COMMD3: variants seen among roughly 807,000 people sequenced by gnomAD.
The protein encoded by COMMD3 is COMM domain containing 3.
Under a neutral mutation model 31.2 loss-of-function variants are expected in COMMD3, and 31 were observed. That is an observed-to-expected ratio of 0.99 (90% CI 0.75 to 1.34). COMMD3 has a LOEUF of 1.34. Among genes scored for constraint, COMMD3 ranks in the 40% most tolerant of loss-of-function variants. The pLI is 0.00. For synonymous variants in COMMD3, 108 were observed against 87.3 expected (o/e 1.24, Z -1.32); for missense variants, 274 against 236.9 (o/e 1.16, Z -1.03).
intron 6 of COMMD3, 34 bp from the exon 7 acceptor site, chr10:22,318,925 C>T (rs1317893910): frequency 6.2e-6 from 10 of 1,611,182 alleles, no homozygotes; most frequent in Non-Finnish European, 8.5e-6. Context: ...AAATAAACAG[C>T]GTTTCTTGTT....
intron 7 of COMMD3, 54 bp from the exon 8 acceptor site, chr10:22,319,885 T>C (rs1246425731): frequency 4.4e-6 from 7 of 1,603,900 alleles, no homozygotes; most frequent in Admixed American, 1.7e-5. Flanking sequence ...TGAGCTTGGA[T>C]ACTTCTTTCC....
chr10:22,316,707 C>T, intron 1 of COMMD3, 151 bp downstream of exon 1: 3 of 1,306,686 alleles, frequency 2.3e-6, no homozygotes, highest in Non-Finnish European at 3.0e-6. Flanking sequence ...GGGGACGTGG[C>T]TCTGCCAGGA....
At position 22,318,153 on chromosome 10, in the gene COMMD3, T is replaced by C; in HGVS notation, c.300T>C (p.Phe100=). Residue 100 remains phenylalanine, a synonymous_variant, in exon 3 of 8, where the codon TTT becomes TTC. Coordinates refer to ENST00000376836, the MANE Select transcript of COMMD3 (RefSeq NM_012071.4). The part of the protein sequence containing the change: ...CKFDRERIEL[F]CTEYQNNKNS... ...TTGACAGAGAGCGAATAGAACTGTT[T>C]TGCACGGAATATCAGGTTACTTACT... The C allele has an allele frequency of 6.2e-7, 1 of 1,612,926 alleles. No individual in the cohort carries two copies. Among genetic ancestry groups the C allele is most frequent in the South Asian group, 1.1e-5 (1 of 90,794 alleles).
chr10:22,318,518 G>A (rs1835897255), intron 4 of COMMD3, 135 bp from the exon 5 acceptor site: 2 of 1,090,216 alleles, frequency 1.8e-6, no homozygotes, highest in South Asian at 1.5e-5. Context: ...TAAAAATAAA[G>A]TTTAACAATG....
intron 6 of COMMD3, 40 bp downstream of exon 6, chr10:22,318,902 A>G: frequency 6.2e-7 from 1 of 1,611,430 alleles, no homozygotes; most frequent in Non-Finnish European, 8.5e-7. Context: ...GAAATTTATA[A>G]TTTCATTGAT....
chr10:22,319,661 G>T (rs1835923773), intron 7 of COMMD3: 1 of 298,578 alleles, frequency 3.3e-6, no homozygotes, highest in East Asian at 7.8e-5. Context: ...CATAACCTTT[G>T]TTAGATAACT....
Position 22,319,995 on chromosome 10 carries a change from G to T in COMMD3, c.585G>T (p.Leu195Phe). 2 of 1,614,152 alleles carry T rather than the reference G, an allele frequency of 1.2e-6. No individual in the cohort carries two copies. Among genetic ancestry groups the T allele is most frequent in the Non-Finnish European group, 8.5e-7 (1 of 1,180,006 alleles). ...ASKSLERATQ[L>F] ...AAAGCCTGGAAAGAGCAACTCAGTT[G>T]TAACTTGGGGAAGTTAACGATCCGC... The change falls in exon 8 of 8, where the codon TTG becomes TTT. Residue 195 changes from leucine to phenylalanine, a missense_variant. By Grantham distance (22) the Leu-to-Phe change is conservative. Coordinates refer to ENST00000376836, the MANE Select transcript of COMMD3 (RefSeq NM_012071.4).
intron 1 of COMMD3, 110 bp from the exon 2 acceptor site, chr10:22,317,774 G>A: frequency 2.7e-6 from 3 of 1,105,956 alleles, no homozygotes; most frequent in Non-Finnish European, 3.9e-6. Context: ...TATAGTTGAT[G>A]TTTTTAATCT....
rs111934304 is a variant in COMMD3 at position 22,318,342 on chromosome 10, T to C, written c.350+36T>C. Reference sequence around the variant, plus strand: ...TATAAGGTGTCAAGCTGAGGCACTTTTCACTTGCAGGTATGAATGGAGAGT... The same window carrying C: ...TATAAGGTGTCAAGCTGAGGCACTTCTCACTTGCAGGTATGAATGGAGAGT... On this transcript the variant is annotated intron_variant, in intron 4 of 7. Coordinates refer to ENST00000376836, the MANE Select transcript of COMMD3 (RefSeq NM_012071.4). 790 of 1,578,428 alleles carry C rather than the reference T, an allele frequency of 5.0e-4. 3 individuals are homozygous for C. In the African/African-American group the frequency reaches 8.8e-3, roughly 18 times the overall value.
chr10:22,319,169 AAGT>A (rs1835911805), intron 7 of COMMD3, 151 bp downstream of exon 7: 3 of 818,474 alleles, frequency 3.7e-6, no homozygotes, highest in African/African-American at 1.7e-5. Flanking sequence ...GGGGCATCAA[AAGT>A]AGTATTTTAA....
intron 6 of COMMD3, 48 bp downstream of exon 6, chr10:22,318,910 G>C: frequency 6.2e-7 from 1 of 1,611,260 alleles, no homozygotes; most frequent in Non-Finnish European, 8.5e-7. Context: ...TAATTTCATT[G>C]ATTTAAATAA....
chr10:22,316,521 G>C lies in COMMD3; in HGVS notation c.104G>C (p.Ser35Thr). ...FTLLLRAAFQ[S>T]LLDAQADEAV... is the part of the protein sequence containing the mutation. ...CTTCTCCTCCGGGCGGCATTCCAGAGTCTGCTGGACGCCCAGGCGGACGAG... is the reference window on the plus strand; with the variant it reads ...CTTCTCCTCCGGGCGGCATTCCAGACTCTGCTGGACGCCCAGGCGGACGAG... Residue 35 changes from serine to threonine, a missense_variant, in exon 1 of 8, where the codon AGT (serine) becomes ACT (threonine). Ser to Thr is a moderately conservative substitution (Grantham distance 58). Transcript: ENST00000376836. The C allele has an allele frequency of 6.5e-7, 1 of 1,550,062 alleles. No individual in the cohort carries two copies. The highest frequency in any genetic ancestry group is 8.7e-7 in the Non-Finnish European group (1 of 1,146,406).
Position 22,318,165 on chromosome 10 carries a change from T to C in COMMD3, c.312T>C (p.Tyr104=), listed in dbSNP as rs375129636. The change falls in exon 3 of 8, where the codon TAT becomes TAC. Residue 104 remains tyrosine (Y), a synonymous_variant. Transcript: ENST00000376836. ...GAATAGAACTGTTTTGCACGGAATATCAGGTTACTTACTTTAAAATTTTTA... is the reference window on the plus strand; with the variant it reads ...GAATAGAACTGTTTTGCACGGAATACCAGGTTACTTACTTTAAAATTTTTA... ...RERIELFCTE[Y]QNNKNSLEIL... is the part of the protein sequence containing the mutation. 5.6e-6 allele frequency: 9 copies of C among 1,611,280 alleles called. No individual in the cohort carries two copies. The African/African-American group carries it at 8.0e-5, about 14-fold the overall frequency.
At chr10:22,316,716 G>C in intron 1 of COMMD3, 160 bp downstream of exon 1, 1 of 1,277,884 alleles carries the variant, frequency 7.8e-7, no homozygotes, top group Non-Finnish European at 1.0e-6. Context: ...GCTCTGCCAG[G>C]ACTCGGAGCA....
chr10:22,317,996 G>C lies in COMMD3; in HGVS notation c.251+1G>C, dbSNP rs1376012979. The C allele has an allele frequency of 6.2e-7, 1 of 1,613,116 alleles. No individual in the cohort carries two copies. The highest frequency in any genetic ancestry group is 8.5e-7 in the Non-Finnish European group (1 of 1,179,690). ...ACCGAGCTGACAAGTCAACTCTAAG[G>C]TACAGGATTTATTTAAATATCCATT... On this transcript the variant is annotated splice_donor_variant, in intron 2 of 7. Coordinates refer to ENST00000376836, the MANE Select transcript of COMMD3 (RefSeq NM_012071.4). LOFTEE classifies it high-confidence loss of function.
In COMMD3 at chr10:22,320,187, C is replaced by T; in HGVS notation, c.*189C>T. 3 of 1,444,000 alleles carry T rather than the reference C, an allele frequency of 2.1e-6. No individual in the cohort carries two copies. The highest frequency in any genetic ancestry group is 1.8e-6 in the Non-Finnish European group (2 of 1,084,004). The allele number at this position is 1,444,000 out of a possible 1,614,324, so 89.4% of individuals were successfully genotyped here. ...AGGGTTAAGAGGGAAAGATACTGCC[C>T]AAGTATTTGAATCGTTTAGTAGTAA... On this transcript the variant is annotated 3_prime_UTR_variant, in exon 8 of 8. Transcript: ENST00000376836.
intron 7 of COMMD3, chr10:22,319,290 A>C (rs1835914449): frequency 3.1e-6 from 1 of 321,148 alleles, no homozygotes; most frequent in African/African-American, 2.1e-5. Context: ...AATTTCTTCT[A>C]TTCATGATGA....
intron 4 of COMMD3, 42 bp from the exon 5 acceptor site, chr10:22,318,611 T>C: frequency 1.3e-6 from 2 of 1,548,472 alleles, no homozygotes; most frequent in Non-Finnish European, 1.8e-6. Context: ...TGAAAAGTTC[T>C]TCTGAGGAGA....
chr10:22,318,457 A>G (rs1835896895), intron 4 of COMMD3, 151 bp downstream of exon 4: 1 of 1,218,954 alleles, frequency 8.2e-7, no homozygotes, highest in South Asian at 1.5e-5. Flanking sequence ...TCATGTTTTT[A>G]AAGATCGTTT....
Sources: allele counts gnomAD v4.1 joint callset, GRCh38; gene constraint gnomAD v4.1.1; transcripts MANE v1.5; gene names NCBI Gene and HGNC (gene_info 2026-07-23, HGNC 2026-07-21).